LHFPL3: variants seen among roughly 807,000 people sequenced by gnomAD.
LHFPL3 encodes the protein LHFPL tetraspan subfamily member 3, also known as LHFPL tetraspan subfamily member 3 protein.
Under a neutral mutation model 19.3 loss-of-function variants are expected in LHFPL3, and 5 were observed. That is an observed-to-expected ratio of 0.26 (90% CI 0.14 to 0.54). The LOEUF (loss-of-function observed/expected upper bound fraction) is 0.54, where lower values mean the gene tolerates loss of function less well. Ranked by LOEUF, LHFPL3 falls within the 20% of genes least tolerant of loss-of-function variation. LHFPL3 has a pLI of 0.94. For synonymous variants in LHFPL3, 133 were observed against 126.2 expected (o/e 1.05, Z -0.36); for missense variants, 249 against 307.4 (o/e 0.81, Z 1.42).
chr7:104,416,115 A>G (rs1791616988), intron 1 of LHFPL3, among the ~76,000 whole-genome samples: 1 of 152,222 alleles, frequency 6.6e-6, no homozygotes, highest in African/African-American at 2.4e-5. Context: ...TTCTTAATCC[A>G]ATAGGACCAG....
chr7:104,735,982 A>G (rs1429856237), intron 1 of LHFPL3, among the ~76,000 whole-genome samples: 1 of 152,210 alleles, frequency 6.6e-6, no homozygotes, highest in Non-Finnish European at 1.5e-5. Context: ...TCCTTTGGAC[A>G]TATACTCAAT....
chr7:104,387,795 T>A (rs1213739495), intron 1 of LHFPL3, among the ~76,000 whole-genome samples: 1 of 152,010 alleles, frequency 6.6e-6, no homozygotes, highest in Non-Finnish European at 1.5e-5. Context: ...CAAAGAGAAA[T>A]TTTTTTTAAC....
chr7:104,617,945 A>T (rs995821954), intron 1 of LHFPL3, among the ~76,000 whole-genome samples: 1 of 152,252 alleles, frequency 6.6e-6, no homozygotes, highest in Non-Finnish European at 1.5e-5. Context: ...ATAAAGAATC[A>T]AATCATCTCA....
intron 1 of LHFPL3, among the ~76,000 whole-genome samples, chr7:104,474,081 G>C (rs545499120): frequency 1.8e-4 from 27 of 152,258 alleles, no homozygotes; most frequent in African/African-American, 6.3e-4. Context: ...CAAGCTAGGG[G>C]ACACATGTGA....
intron 1 of LHFPL3, among the ~76,000 whole-genome samples, chr7:104,570,389 G>A (rs1279955935): frequency 6.6e-6 from 1 of 152,116 alleles, no homozygotes; most frequent in African/African-American, 2.4e-5. Context: ...TTCAATAGTG[G>A]AATTTCAAGA....
intron 1 of LHFPL3, among the ~76,000 whole-genome samples, chr7:104,340,743 T>C (rs1183072034): frequency 1.3e-5 from 2 of 152,220 alleles, no homozygotes; most frequent in Non-Finnish European, 2.9e-5. Context: ...ATGAATTGTA[T>C]GCATTACTAA....
chr7:104,453,829 C>T (rs1792490910), intron 1 of LHFPL3, among the ~76,000 whole-genome samples: 1 of 152,110 alleles, frequency 6.6e-6, no homozygotes, highest in Non-Finnish European at 1.5e-5. Flanking sequence ...CCACTTCCCT[C>T]ACTTGCTCCT....
chr7:104,634,638 A>G (rs1043329054), intron 1 of LHFPL3, among the ~76,000 whole-genome samples: 23 of 152,190 alleles, frequency 1.5e-4, no homozygotes, highest in African/African-American at 5.3e-4. Flanking sequence ...CAGCCCTAGT[A>G]TGCTGGCATC....
At chr7:104,543,992 T>C (rs971110428) in intron 1 of LHFPL3, among the ~76,000 whole-genome samples, 1 of 151,014 alleles carries the variant, frequency 6.6e-6, no homozygotes, top group African/African-American at 2.4e-5. Context: ...TATACCTATG[T>C]GACAAACCTG....
Position 104,389,581 on chromosome 7 carries a change from T to C in LHFPL3, c.445+60357T>C, listed in dbSNP as rs548516168. 2.6e-5 allele frequency among the ~76,000 whole-genome samples: 4 copies of C among 152,202 alleles called. No individual in the cohort carries two copies. In the South Asian group the frequency reaches 6.2e-4, roughly 24 times the overall value. ...AAAAAGTTTTGAAGAAGAAGAACAG[T>C]TGGGGAATTCACACTTCCCAATTGC... On this transcript the variant is annotated intron_variant, in intron 1 of 2. Coordinates refer to ENST00000424859, the MANE Select transcript of LHFPL3 (RefSeq NM_199000.3).
At chr7:104,783,293 C>A (rs1789849422) in intron 2 of LHFPL3, among the ~76,000 whole-genome samples, 1 of 152,200 alleles carries the variant, frequency 6.6e-6, no homozygotes, top group Non-Finnish European at 1.5e-5. Context: ...TCCACAGTTC[C>A]CCATCCTTAT....
chr7:104,350,891 TTA>T (rs571184627), intron 1 of LHFPL3, among the ~76,000 whole-genome samples: 2 of 151,992 alleles, frequency 1.3e-5, no homozygotes, highest in Non-Finnish European at 2.9e-5. Flanking sequence ...AATACAAACA[TTA>T]GCTGAGAGTG....
chr7:104,810,845 T>C (rs1790451826), intron 2 of LHFPL3, among the ~76,000 whole-genome samples: 2 of 152,198 alleles, frequency 1.3e-5, no homozygotes, highest in African/African-American at 4.8e-5. Flanking sequence ...GACCAAATTG[T>C]TTTCCACCAG....
In LHFPL3 at chr7:104,442,439, T is replaced by C. The variant is rs545830677; in HGVS notation, c.445+113215T>C. On this transcript the variant is annotated intron_variant, in intron 1 of 2. Transcript: ENST00000424859. ...AAGGAATGACATATTATCTGTTTAA[T>C]TGAGCTAAATGGGAAATTTATGGAG... is the stretch of plus-strand genomic sequence containing the variant. Among the ~76,000 whole-genome samples the C allele has an allele frequency of 8.6e-4, 131 of 152,340 alleles. 1 individual carries two copies. The highest frequency in any genetic ancestry group is 3.0e-3 in the African/African-American group (124 of 41,574).
intron 1 of LHFPL3, among the ~76,000 whole-genome samples, chr7:104,629,031 T>A (rs1791595807): frequency 6.6e-6 from 1 of 152,238 alleles, no homozygotes; most frequent in Non-Finnish European, 1.5e-5. Flanking sequence ...AAATACCATG[T>A]TGCTTTCTGT....
At chr7:104,516,335 A>G (rs1356118118) in intron 1 of LHFPL3, among the ~76,000 whole-genome samples, 2 of 152,070 alleles carry the variant, frequency 1.3e-5, no homozygotes, top group Non-Finnish European at 2.9e-5. Context: ...GATCCCTCTC[A>G]CAACACGTGG....
chr7:104,386,565 A>G (rs192937636), intron 1 of LHFPL3, among the ~76,000 whole-genome samples: 127 of 152,328 alleles, frequency 8.3e-4, no homozygotes, highest in Non-Finnish European at 1.4e-3. Flanking sequence ...CCCAGGAGAC[A>G]CCAGAAAATG....
intron 2 of LHFPL3, among the ~76,000 whole-genome samples, chr7:104,774,993 C>T (rs985009331): frequency 7.9e-5 from 12 of 152,202 alleles, no homozygotes; most frequent in African/African-American, 2.9e-4. Context: ...TTTTGTGGAG[C>T]AGGTTTGAAT....
At chr7:104,554,176 T>A (rs764509532) in intron 1 of LHFPL3, among the ~76,000 whole-genome samples, 2 of 152,204 alleles carry the variant, frequency 1.3e-5, no homozygotes, top group Non-Finnish European at 2.9e-5. Context: ...GGCTGGTTCC[T>A]TGTGTTTGCT....
Sources: allele counts gnomAD v4.1 joint callset (sites outside exome capture counted in the v4.1 genomes callset), GRCh38; gene constraint gnomAD v4.1.1; transcripts MANE v1.5; gene names NCBI Gene and HGNC (gene_info 2026-07-23, HGNC 2026-07-21).